The following SULT6B1 variants were observed in gnomAD, a reference collection of about 807,000 sequenced individuals.
SULT6B1 encodes sulfotransferase family 6B member 1.
A neutral mutation model predicts 37.2 loss-of-function variants in SULT6B1; 44 were observed. The observed-to-expected ratio is 1.18, with a 90% CI of 0.93 to 1.52. The LOEUF is 1.52. Ranked by LOEUF, SULT6B1 falls within the 40% of genes most tolerant of loss-of-function variation. SULT6B1 has a pLI of 0.00. For missense variants in SULT6B1, 450 were observed against 361.0 expected, an observed-to-expected ratio of 1.25 and a Z score of -2.00; for synonymous variants, 140 against 126.0, an observed-to-expected ratio of 1.11 and a Z score of -0.74.
chr2:37,173,512 A>C (rs906820099), intron 5 of SULT6B1, among the ~76,000 whole-genome samples: 3 of 152,102 alleles, frequency 2.0e-5, no homozygotes, highest in African/African-American at 7.2e-5. Flanking sequence ...TTGACTTCTC[A>C]ATTAGGACGA....
intron 5 of SULT6B1, among the ~76,000 whole-genome samples, chr2:37,174,198 T>C (rs914828048): frequency 5.2e-4 from 76 of 146,106 alleles, no homozygotes; most frequent in Middle Eastern, 3.6e-3. Context: ...TCACATCCCC[T>C]CAGTAAGGTC....
upstream of SULT6B1, among the ~76,000 whole-genome samples, chr2:37,190,763 G>A (rs1166517948): frequency 6.6e-6 from 1 of 152,116 alleles, no homozygotes; most frequent in Non-Finnish European, 1.5e-5. Flanking sequence ...AGGATGCAGG[G>A]TCTGTATGTC....
Position 37,177,754 on chromosome 2 carries a change from A to G in SULT6B1, c.529+1704T>C, listed in dbSNP as rs373285161. 2.0e-5 allele frequency among the ~76,000 whole-genome samples: 3 copies of G among 152,210 alleles called. No homozygotes were observed. The East Asian group carries it at 5.8e-4, about 29-fold the overall frequency. ...AAAACAGGTAATTGTGTGACATGAT[A>G]GATATGTTAATTTGCTTGATTGTAT... On this transcript the variant is annotated intron_variant, in intron 4 of 6. Transcript: ENST00000535679.
At chr2:37,179,705 A>G (rs1676509612) in intron 3 of SULT6B1, 121 bp from the exon 4 acceptor site, 2 of 864,694 alleles carry the variant, frequency 2.3e-6, no homozygotes, top group Admixed American at 2.8e-5. Flanking sequence ...ATATATAGAG[A>G]AAGAATGACA....
In SULT6B1 at chr2:37,179,530, G is replaced by A; in HGVS notation, c.457C>T (p.His153Tyr). ...KDTAVSFLHF[H>Y]NDVPDIPSYG... ...CTTGGAATATCGGGGACATCGTTGT[G>A]GAAATGCAAAAAAGATACTGCTGTA... is the stretch of plus-strand genomic sequence containing the variant. The change falls in exon 4 of 7, where the codon CAC becomes TAC. Residue 153 changes from histidine to tyrosine, a missense_variant. His to Tyr is a moderately conservative substitution (Grantham distance 83). Transcript: ENST00000535679. 5 of 1,613,696 alleles carry A rather than the reference G, an allele frequency of 3.1e-6. No individual in the cohort carries two copies. The highest frequency in any genetic ancestry group is 4.2e-6 in the Non-Finnish European group (5 of 1,179,848).
chr2:37,181,922 G>A (rs887103315), intron 3 of SULT6B1, among the ~76,000 whole-genome samples: 1 of 152,172 alleles, frequency 6.6e-6, no homozygotes, highest in Non-Finnish European at 1.5e-5. Context: ...CTGGCTTAGG[G>A]GATACTGGAG....
intron 4 of SULT6B1, among the ~76,000 whole-genome samples, chr2:37,178,523 A>G (rs535405866): frequency 6.6e-6 from 1 of 152,326 alleles, no homozygotes; most frequent in South Asian, 2.1e-4. Context: ...GGCATGAGCT[A>G]CTGTGCCTGT....
At chr2:37,191,257 C>CAAAAAAAAAAAAAAAA (rs33927399), upstream of SULT6B1, 1 of 90,000 alleles carries the variant, frequency 1.1e-5, no homozygotes, top group Non-Finnish European at 2.2e-5. Context: ...TTTTTCACTG[C>CAAAAAAAAAAAAAAAA]AAAAAAAAAA....
In SULT6B1 at chr2:37,175,130, A is replaced by G; in HGVS notation, c.624+2T>C. On this transcript the variant is annotated splice_donor_variant, in intron 5 of 6. Coordinates refer to ENST00000535679, the MANE Select transcript of SULT6B1 (RefSeq NM_001367551.1). LOFTEE classifies it high-confidence loss of function. ...GCTCTAAAATATCAATAATAATCTCACCTCTTTCAGGTCTTCATATAATAT... is the reference window on the plus strand; with the variant it reads ...GCTCTAAAATATCAATAATAATCTCGCCTCTTTCAGGTCTTCATATAATAT... The G allele has an allele frequency of 6.5e-7, 1 of 1,526,734 alleles. No individual in the cohort carries two copies. Among genetic ancestry groups the G allele is most frequent in the Non-Finnish European group, 8.8e-7 (1 of 1,130,740 alleles). The allele number at this position is 1,526,734 out of a possible 1,614,324, so 94.6% of individuals were successfully genotyped here. A position where few individuals can be genotyped will look rare whatever the true frequency, so the allele number is the denominator to read the frequency against.
At chr2:37,193,894 C>G (rs1053251135) in intron 1 of SULT6B1, among the ~76,000 whole-genome samples, 3 of 152,212 alleles carry the variant, frequency 2.0e-5, no homozygotes, top group African/African-American at 7.2e-5. Flanking sequence ...CAGGAAGGCA[C>G]TGTCGCTAAA....
At chr2:37,169,700 C>T (rs28597784) in intron 6 of SULT6B1, among the ~76,000 whole-genome samples, 16,830 of 152,116 alleles carry the variant, frequency 0.11, 1,961 homozygotes, top group East Asian at 0.56. Flanking sequence ...TCACCATCTT[C>T]GCCAGGCTGG....
At chr2:37,180,483 C>A (rs528075690) in intron 3 of SULT6B1, among the ~76,000 whole-genome samples, 1 of 152,298 alleles carries the variant, frequency 6.6e-6, no homozygotes, top group South Asian at 2.1e-4. Context: ...TCAGCTAACA[C>A]CTGGATTTTT....
intron 3 of SULT6B1, among the ~76,000 whole-genome samples, chr2:37,183,156 T>C (rs2148295684): frequency 6.6e-6 from 1 of 152,352 alleles, no homozygotes; most frequent in Admixed American, 6.5e-5. Context: ...CTAAATATTC[T>C]ATCAGGATTC....
chr2:37,194,583 C>T (rs2148305715), intron 1 of SULT6B1: 1 of 373,188 alleles, frequency 2.7e-6, no homozygotes, highest in Non-Finnish European at 5.2e-6. Context: ...TCCTTCATTG[C>T]AAAATTTCCG....
At chr2:37,179,019 C>T (rs2373190) in intron 4 of SULT6B1, among the ~76,000 whole-genome samples, 44,735 of 151,878 alleles carry the variant, frequency 0.29, 7,595 homozygotes, top group East Asian at 0.78. Context: ...AGTGCAGTGG[C>T]GCCATCTCAG....
intron 4 of SULT6B1, among the ~76,000 whole-genome samples, chr2:37,176,809 A>T (rs996887475): frequency 6.6e-6 from 1 of 152,144 alleles, no homozygotes; most frequent in Non-Finnish European, 1.5e-5. Flanking sequence ...AATTGGCCAC[A>T]TGAAATGGTT....
intron 4 of SULT6B1, among the ~76,000 whole-genome samples, chr2:37,179,144 G>C (rs10205589): frequency 0.27 from 41,150 of 151,882 alleles, 6,617 homozygotes; most frequent in East Asian, 0.78. Context: ...ATTTTTAGTA[G>C]AGATGGGGTT....
chr2:37,170,960 C>T (rs889003470), intron 6 of SULT6B1, among the ~76,000 whole-genome samples: 1 of 152,124 alleles, frequency 6.6e-6, no homozygotes, highest in Middle Eastern at 3.2e-3. Context: ...ATGGGGCGGC[C>T]GGGCGCGGTG....
chr2:37,176,784 C>T (rs899844319), intron 4 of SULT6B1, among the ~76,000 whole-genome samples: 1 of 152,126 alleles, frequency 6.6e-6, no homozygotes, highest in South Asian at 2.1e-4. Flanking sequence ...GATATCCTGC[C>T]TTCCTCAGAG....
Sources: gnomAD v4.1 joint callset for allele counts (sites outside exome capture counted in the v4.1 genomes callset) on GRCh38, gnomAD v4.1.1 for gene constraint, MANE v1.5 for transcripts, NCBI Gene and HGNC (gene_info 2026-07-23, HGNC 2026-07-21) for gene names.